Variants in PTPRD observed in about 807,000 individuals in gnomAD.
The protein encoded by PTPRD is receptor-type tyrosine-protein phosphatase delta.
PTPRD carries 34 observed loss-of-function variants against 214.5 expected under a neutral mutation model. The ratio of observed to expected loss-of-function variants is 0.16; its 90% CI spans 0.12 to 0.21. The LOEUF is 0.21. Ranked by LOEUF, PTPRD falls within the 10% of genes least tolerant of loss-of-function variation. PTPRD has a pLI of 1.00. For missense variants in PTPRD, 2,545 were observed against 2,398.7 expected (o/e 1.06, Z -1.27); for synonymous variants, 1,128 against 845.7 (o/e 1.33, Z -5.79).
chr9:9,301,060 G>T (rs999133747), intron 9 of PTPRD, among the ~76,000 whole-genome samples: 1 of 151,596 alleles, frequency 6.6e-6, no homozygotes, highest in African/African-American at 2.4e-5. Flanking sequence ...CACAAAGCAG[G>T]CACTCAATAA....
rs908820726 is a variant in PTPRD at position 9,741,586 on chromosome 9, C to G, written c.-325-7015G>C. On this transcript the variant is annotated intron_variant, in intron 6 of 45. Transcript: ENST00000381196. ...CCATCATCTACATTAGGTATTTCTC[C>G]TAATGCTATCCCTCCCATAGTCCCC... Among the ~76,000 whole-genome samples the G allele has an allele frequency of 1.2e-4, 18 of 152,248 alleles. No individual in the cohort carries two copies. In the East Asian group the frequency reaches 2.9e-3, roughly 25 times the overall value.
intron 12 of PTPRD, among the ~76,000 whole-genome samples, chr9:8,726,851 G>A (rs1023301015): frequency 1.3e-5 from 2 of 148,488 alleles, no homozygotes; most frequent in Non-Finnish European, 3.0e-5. Flanking sequence ...CGTGCCTGTA[G>A]TTCCAGCTAC....
intron 11 of PTPRD, among the ~76,000 whole-genome samples, chr9:8,771,129 C>T (rs1213288674): frequency 2.0e-5 from 3 of 146,524 alleles, no homozygotes; most frequent in Non-Finnish European, 3.0e-5. Flanking sequence ...TGCAGTGAGC[C>T]GAGATCACAC....
chr9:10,182,389 T>A (rs1396921747), intron 3 of PTPRD, among the ~76,000 whole-genome samples: 2 of 151,986 alleles, frequency 1.3e-5, no homozygotes, highest in Non-Finnish European at 2.9e-5. Flanking sequence ...GAGAATATAC[T>A]TGGAATGTCT....
intron 11 of PTPRD, among the ~76,000 whole-genome samples, chr9:8,901,101 G>C (rs57227464): frequency 0.03 from 4,543 of 152,176 alleles, 203 homozygotes; most frequent in African/African-American, 0.098. Context: ...TACTAAGAAA[G>C]GGCAAAACAC....
intron 11 of PTPRD, among the ~76,000 whole-genome samples, chr9:8,786,159 A>G (rs1487653250): frequency 1.3e-5 from 2 of 151,934 alleles, no homozygotes; most frequent in Non-Finnish European, 1.5e-5. Flanking sequence ...CAGCATTACT[A>G]TGGAAAATGG....
chr9:9,015,970 T>C (rs2099533346), intron 11 of PTPRD, among the ~76,000 whole-genome samples: 2 of 152,174 alleles, frequency 1.3e-5, no homozygotes, highest in Non-Finnish European at 2.9e-5. Flanking sequence ...TGCTAAATGA[T>C]CATAGGAATG....
At chr9:9,648,907 G>A (rs1202879168) in intron 7 of PTPRD, among the ~76,000 whole-genome samples, 1 of 152,072 alleles carries the variant, frequency 6.6e-6, no homozygotes, top group African/African-American at 2.4e-5. Flanking sequence ...GATCAAGTAA[G>A]CAAAGTATAG....
intron 7 of PTPRD, among the ~76,000 whole-genome samples, chr9:9,632,756 TG>T (rs1436596351): frequency 6.6e-6 from 1 of 152,064 alleles, no homozygotes; most frequent in Non-Finnish European, 1.5e-5. Context: ...ATAAAATAAA[TG>T]GGACAGTTAC....
At chr9:8,846,379 A>G (rs2097696662) in intron 11 of PTPRD, among the ~76,000 whole-genome samples, 1 of 152,194 alleles carries the variant, frequency 6.6e-6, no homozygotes, top group African/African-American at 2.4e-5. Context: ...TAGGAGCTGG[A>G]GATGTCACTG....
At chr9:9,037,287 A>C (rs2099625047) in intron 10 of PTPRD, among the ~76,000 whole-genome samples, 1 of 152,122 alleles carries the variant, frequency 6.6e-6, no homozygotes, top group South Asian at 2.1e-4. Context: ...GATTTGTCAA[A>C]AGTTTCGCAA....
chr9:10,497,356 A>G (rs935176296), intron 2 of PTPRD, among the ~76,000 whole-genome samples: 3 of 151,992 alleles, frequency 2.0e-5, no homozygotes, highest in African/African-American at 7.2e-5. Flanking sequence ...TGACATATAC[A>G]TGTATACTAG....
intron 2 of PTPRD, among the ~76,000 whole-genome samples, chr9:10,488,000 CTCT>C: frequency 6.7e-6 from 1 of 149,898 alleles, no homozygotes; most frequent in African/African-American, 2.5e-5. Context: ...CTCTCTCTCT[CTCT>C]CTCTGTTCTG....
intron 3 of PTPRD, among the ~76,000 whole-genome samples, chr9:10,168,196 A>C (rs964912575): frequency 3.1e-4 from 47 of 152,246 alleles, no homozygotes; most frequent in Admixed American, 3.1e-3. Context: ...TAAATCAAAC[A>C]TCTTACATAA....
intron 14 of PTPRD, among the ~76,000 whole-genome samples, chr9:8,628,640 G>C (rs575684024): frequency 6.6e-6 from 1 of 150,732 alleles, no homozygotes; most frequent in African/African-American, 2.4e-5. Context: ...AAACAGAACA[G>C]AACAGGGAAG....
chr9:10,061,015 T>G (rs410553), intron 3 of PTPRD, among the ~76,000 whole-genome samples: 29,007 of 147,300 alleles, frequency 0.2, 7,627 homozygotes, highest in African/African-American at 0.61. Flanking sequence ...TCTGTCTCTC[T>G]CTCTTTCTTT....
Position 8,504,330 on chromosome 9 carries a change from G to A in PTPRD, c.1753C>T (p.Leu585=), listed in dbSNP as rs761019710. The A allele has an allele frequency of 1.2e-6, 2 of 1,614,154 alleles. No individual in the cohort carries two copies. Among genetic ancestry groups the A allele is most frequent in the Non-Finnish European group, 8.5e-7 (1 of 1,179,970 alleles). Residue 585 remains leucine (L), a synonymous_variant, in exon 23 of 46, where the codon CTG becomes TTG. Transcript: ENST00000381196. ...AGGCCTTGAGGGGAGCGTGCAGCCA[G>A]ACGGAAATAGTATAAGCTGTTTGGT... ...LKPNSLYYFR[L]AARSPQGLGA...
intron 14 of PTPRD, among the ~76,000 whole-genome samples, chr9:8,547,291 T>A (rs1169426837): frequency 2.0e-5 from 3 of 151,886 alleles, no homozygotes; most frequent in African/African-American, 7.3e-5. Flanking sequence ...CCAGAAAGGA[T>A]ATAAAAAACT....
intron 5 of PTPRD, among the ~76,000 whole-genome samples, chr9:9,931,987 A>G (rs199781409): frequency 2.4e-4 from 36 of 152,080 alleles, no homozygotes; most frequent in Middle Eastern, 3.4e-3. Context: ...CACACAGCAG[A>G]GTACTCCAAC....
Sources: allele counts gnomAD v4.1 joint callset (sites outside exome capture counted in the v4.1 genomes callset), GRCh38; gene constraint gnomAD v4.1.1; transcripts MANE v1.5; gene names NCBI Gene and HGNC (gene_info 2026-07-23, HGNC 2026-07-21).